The following TAFA2 variants were observed in gnomAD, a reference collection of about 807,000 sequenced individuals.
TAFA2 encodes the protein chemokine-like protein TAFA-2.
In TAFA2, 7 loss-of-function variants were observed where a neutral mutation model predicts 18.8. The ratio of observed to expected loss-of-function variants is 0.37; its 90% CI spans 0.21 to 0.70. The LOEUF is 0.70. Ranked by LOEUF, TAFA2 falls within the 30% of genes least tolerant of loss-of-function variation. TAFA2 has a pLI of 0.53. For synonymous variants in TAFA2, 60 were observed against 54.2 expected, an observed-to-expected ratio of 1.11 and a Z score of -0.47; for missense variants, 122 against 158.1, an observed-to-expected ratio of 0.77 and a Z score of 1.23.
chr12:62,143,676 C>G (rs1429590911), intron 1 of TAFA2, among the ~76,000 whole-genome samples: 2 of 152,132 alleles, frequency 1.3e-5, no homozygotes, highest in African/African-American at 4.8e-5. Context: ...TGCCCACCCC[C>G]CACAACCTTA....
At chr12:62,109,577 T>C (rs1869626366) in intron 1 of TAFA2, among the ~76,000 whole-genome samples, 1 of 152,122 alleles carries the variant, frequency 6.6e-6, no homozygotes, top group Admixed American at 6.6e-5. Context: ...GGGCTGTATG[T>C]ATATTGTCAC....
At chr12:62,148,021 G>T (rs191883257) in intron 1 of TAFA2, among the ~76,000 whole-genome samples, 1 of 151,820 alleles carries the variant, frequency 6.6e-6, no homozygotes, top group African/African-American at 2.4e-5. Flanking sequence ...AGATACCATC[G>T]AACGCCAGTC....
At chr12:62,253,212 A>G (rs2062922979) in intron 1 of TAFA2, 1 of 152,140 alleles carries the variant, frequency 6.6e-6, no homozygotes, top group Non-Finnish European at 1.5e-5. Context: ...CAACCATTGG[A>G]GTCATTCTGT....
At chr12:62,017,229 TA>T (rs35758094) in intron 1 of TAFA2, among the ~76,000 whole-genome samples, 53,798 of 150,364 alleles carry the variant, frequency 0.36, 9,934 homozygotes, top group Non-Finnish European at 0.39. Flanking sequence ...AGTTAATGCG[TA>T]AAAAAAAAAT....
At chr12:62,097,970 C>G (rs1869021397) in intron 1 of TAFA2, among the ~76,000 whole-genome samples, 1 of 152,048 alleles carries the variant, frequency 6.6e-6, no homozygotes, top group Admixed American at 6.6e-5. Flanking sequence ...CTACATTCCA[C>G]TATATTAAAA....
At chr12:62,057,953 C>T (rs573996297) in intron 1 of TAFA2, among the ~76,000 whole-genome samples, 1 of 152,248 alleles carries the variant, frequency 6.6e-6, no homozygotes, top group East Asian at 1.9e-4. Context: ...TTTATAATTT[C>T]CTTTAATGAA....
At chr12:61,814,661 A>C (rs1178779746) in intron 2 of TAFA2, among the ~76,000 whole-genome samples, 1 of 151,368 alleles carries the variant, frequency 6.6e-6, no homozygotes, top group African/African-American at 2.5e-5. Context: ...GCCAAAAGGG[A>C]CTTTGCAGAT....
chr12:61,775,550 G>T (rs543004816), intron 2 of TAFA2, among the ~76,000 whole-genome samples: 1 of 151,956 alleles, frequency 6.6e-6, no homozygotes, highest in South Asian at 2.1e-4. Context: ...ATCTGAAAAG[G>T]TTACATACTG....
chr12:62,148,429 G>A (rs762385093), intron 1 of TAFA2, among the ~76,000 whole-genome samples: 2 of 152,076 alleles, frequency 1.3e-5, no homozygotes, highest in Admixed American at 6.6e-5. Context: ...TATCCTAAGC[G>A]AATTGATATA....
intron 1 of TAFA2, among the ~76,000 whole-genome samples, chr12:61,961,494 C>G (rs1420792981): frequency 6.6e-6 from 1 of 151,864 alleles, no homozygotes; most frequent in African/African-American, 2.4e-5. Context: ...CTGGGAGTTT[C>G]TTTCTTGAAA....
At chr12:61,735,971 T>C (rs1428216758) in intron 4 of TAFA2, among the ~76,000 whole-genome samples, 1 of 152,036 alleles carries the variant, frequency 6.6e-6, no homozygotes, top group East Asian at 1.9e-4. Context: ...TAATTTCAGG[T>C]ATTAAAGTGA....
chr12:61,846,326 A>C (rs372412951), intron 2 of TAFA2, among the ~76,000 whole-genome samples: 1 of 152,270 alleles, frequency 6.6e-6, no homozygotes, highest in East Asian at 1.9e-4. Context: ...AGGTATTAAG[A>C]TGTTGGGCTC....
intron 2 of TAFA2, among the ~76,000 whole-genome samples, chr12:61,779,233 T>G (rs907437553): frequency 6.6e-6 from 1 of 151,664 alleles, no homozygotes; most frequent in Non-Finnish European, 1.5e-5. Context: ...GAGGTAGTGA[T>G]GTGTGTGTGT....
intron 2 of TAFA2, among the ~76,000 whole-genome samples, chr12:61,794,339 A>C (rs1871105331): frequency 6.6e-6 from 1 of 152,068 alleles, no homozygotes; most frequent in African/African-American, 2.4e-5. Flanking sequence ...AATTGAGTTT[A>C]CTATTAACAT....
intron 4 of TAFA2, among the ~76,000 whole-genome samples, chr12:61,712,041 G>A (rs558037592): frequency 6.6e-6 from 1 of 152,150 alleles, no homozygotes; most frequent in East Asian, 1.9e-4. Context: ...AAAGAGAGGG[G>A]AAGCTATATG....
intron 1 of TAFA2, among the ~76,000 whole-genome samples, chr12:62,096,498 C>A (rs1279184454): frequency 6.6e-6 from 1 of 151,972 alleles, no homozygotes; most frequent in Non-Finnish European, 1.5e-5. Context: ...ATGAACCAGA[C>A]CAAGGTCTGG....
intron 1 of TAFA2, among the ~76,000 whole-genome samples, chr12:62,137,272 A>C (rs1472312404): frequency 1.3e-5 from 2 of 152,170 alleles, no homozygotes; most frequent in African/African-American, 4.8e-5. Flanking sequence ...GCTAATGAGG[A>C]ATTGAAGGAA....
chr12:62,231,913 G>C (rs2062813371), intron 1 of TAFA2, among the ~76,000 whole-genome samples: 1 of 152,060 alleles, frequency 6.6e-6, no homozygotes, highest in Admixed American at 6.6e-5. Context: ...ACAGAGACAA[G>C]GTCTTGCTGG....
intron 4 of TAFA2, among the ~76,000 whole-genome samples, chr12:61,725,565 G>A (rs567537192): frequency 6.6e-6 from 1 of 151,966 alleles, no homozygotes; most frequent in East Asian, 1.9e-4. Flanking sequence ...TTATGCTTTT[G>A]TTTGCTTTGT....
Sources: gnomAD v4.1 joint callset for allele counts (sites outside exome capture counted in the v4.1 genomes callset) on GRCh38, gnomAD v4.1.1 for gene constraint, MANE v1.5 for transcripts, NCBI Gene and HGNC (gene_info 2026-07-23, HGNC 2026-07-21) for gene names.